Variants in MAP3K5 observed in about 807,000 individuals in gnomAD.
MAP3K5 encodes mitogen-activated protein kinase kinase kinase 5, also known as ASK-1.
MAP3K5 carries 56 observed loss-of-function variants against 158.7 expected under a neutral mutation model. The ratio of observed to expected loss-of-function variants is 0.35; its 90% CI spans 0.28 to 0.44. MAP3K5 has a LOEUF of 0.44. Among genes scored for constraint, MAP3K5 ranks in the 20% least tolerant of loss-of-function variants. The pLI, the probability that MAP3K5 is intolerant of heterozygous loss-of-function variation, is 1.00. For missense variants in MAP3K5, 1,294 were observed against 1,674.8 expected, an observed-to-expected ratio of 0.77 and a Z score of 3.97; for synonymous variants, 579 against 601.7, an observed-to-expected ratio of 0.96 and a Z score of 0.55.
At chr6:136,615,939 TA>T (rs200749152) in intron 15 of MAP3K5, among the ~76,000 whole-genome samples, 1,854 of 152,320 alleles carry the variant, frequency 0.012, 41 homozygotes, top group African/African-American at 0.042. Flanking sequence ...GCAATTAGTT[TA>T]TAAACATTTA....
intron 2 of MAP3K5, among the ~76,000 whole-genome samples, chr6:136,708,179 T>C (rs1190796007): frequency 6.6e-6 from 1 of 152,238 alleles, no homozygotes; most frequent in Non-Finnish European, 1.5e-5. Flanking sequence ...ATGTATTACC[T>C]TAGGACAAAT....
At chr6:136,775,258 C>T (rs1018331699) in intron 1 of MAP3K5, among the ~76,000 whole-genome samples, 2 of 152,170 alleles carry the variant, frequency 1.3e-5, no homozygotes, top group African/African-American at 2.4e-5. Context: ...AAGAAATTTA[C>T]CTGGTGACCA....
At chr6:136,558,286 G>A (rs1830342070) in intron 29 of MAP3K5, among the ~76,000 whole-genome samples, 1 of 152,064 alleles carries the variant, frequency 6.6e-6, no homozygotes, top group Admixed American at 6.5e-5. Context: ...GGCTGAGGCA[G>A]GAGAACGGCG....
chr6:136,567,314 T>C (rs1176609654), intron 26 of MAP3K5, among the ~76,000 whole-genome samples: 4 of 152,192 alleles, frequency 2.6e-5, no homozygotes, highest in Non-Finnish European at 4.4e-5. Flanking sequence ...TTTTCAGCTA[T>C]CTACTGGAAG....
At chr6:136,724,868 A>G (rs763441605) in intron 1 of MAP3K5, among the ~76,000 whole-genome samples, 7 of 152,178 alleles carry the variant, frequency 4.6e-5, no homozygotes, top group Non-Finnish European at 8.8e-5. Context: ...ATACCACCAT[A>G]GTCATGATAC....
chr6:136,784,820 A>AT (rs200925896), intron 1 of MAP3K5, among the ~76,000 whole-genome samples: 1 of 151,504 alleles, frequency 6.6e-6, no homozygotes, highest in African/African-American at 2.4e-5. Context: ...TCCCCCACTA[A>AT]TTTTTTTTTA....
At chr6:136,746,736 G>T (rs780335396) in intron 1 of MAP3K5, among the ~76,000 whole-genome samples, 24 of 152,082 alleles carry the variant, frequency 1.6e-4, no homozygotes, top group Non-Finnish European at 5.9e-5. Context: ...GAAAAATTAG[G>T]GGAAATCCCC....
intron 1 of MAP3K5, among the ~76,000 whole-genome samples, chr6:136,730,256 C>G (rs928480950): frequency 4.6e-5 from 7 of 151,620 alleles, no homozygotes. Flanking sequence ...GCCTAGGCCT[C>G]CCAAGTGCTG....
intron 4 of MAP3K5, among the ~76,000 whole-genome samples, 177 bp from the exon 5 acceptor site, chr6:136,697,564 T>C (rs1307515023): frequency 6.8e-6 from 1 of 146,048 alleles, no homozygotes; most frequent in East Asian, 1.9e-4. Context: ...TTAAGAAATT[T>C]AGAAGCCAAT....
At position 136,659,341 on chromosome 6, in the gene MAP3K5, G is replaced by A. The variant is rs1375049958; in HGVS notation, c.1404C>T (p.Asn468=). Residue 468 remains asparagine, a synonymous_variant, in exon 9 of 30, where the codon AAC becomes AAT. Coordinates refer to ENST00000359015, the MANE Select transcript of MAP3K5 (RefSeq NM_005923.4). ...KLSSLLGKKG[N]LEKLQSYWEV... is the part of the protein sequence containing the mutation. ...CCCAGTAGCTCTGGAGTTTTTCCAA[G>A]TTTCCCTTTTTACCAAGAAGACTAC... 1 of 1,614,038 alleles carries A rather than the reference G, an allele frequency of 6.2e-7. No homozygotes were observed.
intron 1 of MAP3K5, among the ~76,000 whole-genome samples, chr6:136,740,741 T>C (rs762771678): frequency 6.6e-6 from 1 of 152,274 alleles, no homozygotes; most frequent in Non-Finnish European, 1.5e-5. Flanking sequence ...AGCTTACTTT[T>C]AGAAAAAGTG....
intron 10 of MAP3K5, among the ~76,000 whole-genome samples, chr6:136,654,460 T>C (rs1370766423): frequency 6.6e-6 from 1 of 152,226 alleles, no homozygotes; most frequent in Non-Finnish European, 1.5e-5. Context: ...TATTTATTTA[T>C]TTAGAGATGG....
At chr6:136,616,304 T>C (rs1776560608) in intron 15 of MAP3K5, among the ~76,000 whole-genome samples, 1 of 120,218 alleles carries the variant, frequency 8.3e-6, no homozygotes, top group African/African-American at 4.6e-5. Flanking sequence ...GCTCCTCTTT[T>C]TTTTTTTTTT....
intron 1 of MAP3K5, among the ~76,000 whole-genome samples, chr6:136,781,175 G>C (rs1276219409): frequency 6.6e-6 from 1 of 152,184 alleles, no homozygotes; most frequent in Non-Finnish European, 1.5e-5. Flanking sequence ...TCTAGAGAAA[G>C]GCTAGTTTTG....
chr6:136,601,661 G>T, intron 20 of MAP3K5, 141 bp downstream of exon 20: 1 of 720,654 alleles, frequency 1.4e-6, no homozygotes, highest in Non-Finnish European at 2.2e-6. Flanking sequence ...GCAACCAAAT[G>T]CCTGAGAACA....
chr6:136,651,891 T>C (rs1349405823), intron 10 of MAP3K5, among the ~76,000 whole-genome samples: 1 of 152,158 alleles, frequency 6.6e-6, no homozygotes, highest in Non-Finnish European at 1.5e-5. Flanking sequence ...GTGCTATGAT[T>C]CATTATCTAC....
At chr6:136,706,486 G>A (rs1781083332) in intron 2 of MAP3K5, among the ~76,000 whole-genome samples, 1 of 152,198 alleles carries the variant, frequency 6.6e-6, no homozygotes, top group Non-Finnish European at 1.5e-5. Context: ...CTTCACTGAG[G>A]TTGGGGAATC....
chr6:136,707,620 A>T (rs765014913), intron 2 of MAP3K5, among the ~76,000 whole-genome samples: 22 of 152,224 alleles, frequency 1.4e-4, no homozygotes, highest in Admixed American at 1.4e-3. Flanking sequence ...ATTTTGACAC[A>T]TACAAAAAGT....
chr6:136,760,862 C>T (rs141495727), intron 1 of MAP3K5, among the ~76,000 whole-genome samples: 3 of 152,182 alleles, frequency 2.0e-5, no homozygotes, highest in East Asian at 1.9e-4. Context: ...CCCAGCTACT[C>T]GAGAGGCTGA....
Sources: gnomAD v4.1 joint callset for allele counts (sites outside exome capture counted in the v4.1 genomes callset) on GRCh38, gnomAD v4.1.1 for gene constraint, MANE v1.5 for transcripts, NCBI Gene and HGNC (gene_info 2026-07-23, HGNC 2026-07-21) for gene names.